XIAP: variants seen among roughly 807,000 people sequenced by gnomAD.
XIAP encodes the protein E3 ubiquitin-protein ligase XIAP.
Under a neutral mutation model 33.1 loss-of-function variants are expected in XIAP, and 3 were observed. That is an observed-to-expected ratio of 0.09 (90% CI 0.04 to 0.23). The LOEUF (loss-of-function observed/expected upper bound fraction) is 0.23, where lower values mean the gene tolerates loss of function less well. Among genes scored for constraint, XIAP ranks in the 10% least tolerant of loss-of-function variants. The pLI, the probability that XIAP is intolerant of heterozygous loss-of-function variation, is 1.00. For synonymous variants in XIAP, 98 were observed against 121.3 expected, an observed-to-expected ratio of 0.81 and a Z score of 1.26; for missense variants, 264 against 363.0, an observed-to-expected ratio of 0.73 and a Z score of 2.22.
In XIAP at chrX:123,912,691, T is replaced by A; in HGVS notation, c.*5510T>A. 1 of 324,106 alleles carries A rather than the reference T, an allele frequency of 3.1e-6. No individual in the cohort carries two copies. The highest frequency in any genetic ancestry group is 5.9e-6 in the Non-Finnish European group (1 of 168,741). 26.7% of individuals were successfully genotyped at this position (324,106 alleles called of 1,213,427 possible). ...ATACATTATATGCAAATACTGTTTT[T>A]TTTTTTTTTAATTTAAACAGTCTCA... On this transcript the variant is annotated 3_prime_UTR_variant, in exon 7 of 7. Coordinates refer to ENST00000371199, the MANE Select transcript of XIAP (RefSeq NM_001167.4).
chrX:123,874,738 A>G (rs1602534591), intron 1 of XIAP, among the ~76,000 whole-genome samples: 1 of 92,465 alleles, frequency 1.1e-5, no homozygotes, highest in Admixed American at 1.4e-4. Flanking sequence ...TCTGTTGCCC[A>G]GGCTTGAATG....
Position 123,860,278 on chromosome X carries a change from C to T in XIAP, c.-48C>T, listed in dbSNP as rs1207299387. 3.0e-6 allele frequency: 1 copy of T among 329,910 alleles called. No individual in the cohort carries two copies. Among genetic ancestry groups the T allele is most frequent in the Non-Finnish European group, 5.9e-6 (1 of 170,033 alleles). The allele number at this position is 329,910 out of a possible 1,213,427, so 27.2% of individuals were successfully genotyped here. On this transcript the variant is annotated 5_prime_UTR_variant, in exon 1 of 7. Coordinates refer to ENST00000371199, the MANE Select transcript of XIAP (RefSeq NM_001167.4). The stretch of plus-strand genomic sequence containing the variant: ...CCGATCGCCGCGGGGCAGTTCGGGC[C>T]GGCTGTCCTGGCGCGGTGGGTACAG...
At chrX:123,880,959 A>G (rs764152027) in intron 1 of XIAP, among the ~76,000 whole-genome samples, 2 of 110,505 alleles carry the variant, frequency 1.8e-5, no homozygotes, top group East Asian at 5.7e-4. Context: ...AACCTTACAT[A>G]TCACCATTGT....
intron 1 of XIAP, among the ~76,000 whole-genome samples, chrX:123,877,248 T>C (rs1602536585): frequency 9.0e-6 from 1 of 110,752 alleles, no homozygotes; most frequent in African/African-American, 3.3e-5. Context: ...GTATTTTTAG[T>C]AGAGATGGGG....
chrX:123,864,930 C>T (rs1043036230), intron 1 of XIAP, among the ~76,000 whole-genome samples: 7 of 107,356 alleles, frequency 6.5e-5, no homozygotes, highest in Admixed American at 5.1e-4. Flanking sequence ...GATCTGCCTG[C>T]GTTGGCCTCC....
At position 123,909,855 on chromosome X, in the gene XIAP, A is replaced by C. The variant is rs17330637; in HGVS notation, c.*2674A>C. 0.22 allele frequency: 72,924 copies of C among 327,233 alleles called. 5,177 individuals carry two copies. Among genetic ancestry groups the C allele is most frequent in the South Asian group, 0.39 (14,842 of 38,300 alleles). The allele number at this position is 327,233 out of a possible 1,213,427, so 27.0% of individuals were successfully genotyped here. ...TTCTAATCAAATTTTTGGAGACTTAACAGCATTTGTCTGTGTTTGAACTAT... is the reference window on the plus strand; with the variant it reads ...TTCTAATCAAATTTTTGGAGACTTACCAGCATTTGTCTGTGTTTGAACTAT... On this transcript the variant is annotated 3_prime_UTR_variant, in exon 7 of 7. Coordinates refer to ENST00000371199, the MANE Select transcript of XIAP (RefSeq NM_001167.4).
At chrX:123,883,741 C>G (rs1385852437) in intron 1 of XIAP, among the ~76,000 whole-genome samples, 1 of 110,717 alleles carries the variant, frequency 9.0e-6, no homozygotes, top group Non-Finnish European at 1.9e-5. Context: ...GGTGATTTGC[C>G]CACCTCGGCC....
Position 123,870,109 on chromosome X carries a change from G to A in XIAP, c.-33+9816G>A, listed in dbSNP as rs184458416. On this transcript the variant is annotated intron_variant, in intron 1 of 6. Transcript: ENST00000371199. The stretch of plus-strand genomic sequence containing the variant: ...TTAGTAGCTGGGACTACAGGCACGC[G>A]CCACCACGCCCAGCTAATTTTTTTG... 3.1e-3 allele frequency among the ~76,000 whole-genome samples: 352 copies of A among 112,462 alleles called. 3 individuals are homozygous for A. Among genetic ancestry groups the A allele is most frequent in the African/African-American group, 0.011 (333 of 31,050 alleles).
intron 1 of XIAP, 70 bp downstream of exon 1, chrX:123,860,363 C>T: frequency 6.2e-6 from 2 of 320,189 alleles, no homozygotes; most frequent in Admixed American, 3.1e-5. Flanking sequence ...CTCCCCTCTT[C>T]TTTTCCCCTC....
At chrX:123,861,738 C>CAT (rs10694788) in intron 1 of XIAP, among the ~76,000 whole-genome samples, 42,225 of 110,428 alleles carry the variant, frequency 0.38, 6,118 homozygotes, top group African/African-American at 0.48. Context: ...GGTATGTACA[C>CAT]ATTTATGTGC....
chrX:123,882,185 T>G (rs756245720), intron 1 of XIAP, among the ~76,000 whole-genome samples: 27 of 112,116 alleles, frequency 2.4e-4, no homozygotes, highest in African/African-American at 8.4e-4. Context: ...TAACCCAGTC[T>G]CCCAGTCCAT....
chrX:123,868,807 G>C (rs2053166843), intron 1 of XIAP, among the ~76,000 whole-genome samples: 1 of 111,839 alleles, frequency 8.9e-6, no homozygotes, highest in Admixed American at 9.6e-5. Flanking sequence ...GTTAATAATA[G>C]GTTATCCTTT....
chrX:123,900,447 AT>A, intron 5 of XIAP, 45 bp from the exon 6 acceptor site: 2 of 1,076,035 alleles, frequency 1.9e-6, no homozygotes, highest in Non-Finnish European at 2.6e-6. Flanking sequence ...AATGAAAATA[AT>A]TGTTTAAATT....
At chrX:123,893,846 G>T (rs1399950053) in intron 5 of XIAP, among the ~76,000 whole-genome samples, 2 of 111,420 alleles carry the variant, frequency 1.8e-5, no homozygotes, top group African/African-American at 3.3e-5. Context: ...ATCTCAAAAA[G>T]AAAATAAAAG....
At chrX:123,902,962 G>A (rs190983134) in intron 6 of XIAP, among the ~76,000 whole-genome samples, 28 of 110,587 alleles carry the variant, frequency 2.5e-4, no homozygotes, top group Non-Finnish European at 4.0e-4. Flanking sequence ...GGGGAAAGGC[G>A]CTGTAGAGAA....
At chrX:123,874,256 A>G (rs886856418) in intron 1 of XIAP, among the ~76,000 whole-genome samples, 6 of 111,983 alleles carry the variant, frequency 5.4e-5, no homozygotes, top group Non-Finnish European at 9.4e-5. Context: ...ATTTCTTTTC[A>G]TTAGAATCTA....
chrX:123,869,593 T>C (rs965739557), intron 1 of XIAP, among the ~76,000 whole-genome samples: 2 of 110,455 alleles, frequency 1.8e-5, no homozygotes, highest in African/African-American at 6.6e-5. Flanking sequence ...AACCTTTCTA[T>C]GGTTCTAGCT....
intron 6 of XIAP, among the ~76,000 whole-genome samples, chrX:123,905,184 G>A (rs1198790694): frequency 9.0e-6 from 1 of 111,101 alleles, no homozygotes. Flanking sequence ...ACCCTTCACT[G>A]CCTCCCAGGA....
chrX:123,893,063 G>A (rs1019437212), intron 5 of XIAP, among the ~76,000 whole-genome samples: 5 of 108,366 alleles, frequency 4.6e-5, no homozygotes, highest in Admixed American at 2.0e-4. Flanking sequence ...CTTGTGATGC[G>A]CCCGCCTCGG....
Sources: gnomAD v4.1 joint callset for allele counts (sites outside exome capture counted in the v4.1 genomes callset) on GRCh38, gnomAD v4.1.1 for gene constraint, MANE v1.5 for transcripts, NCBI Gene and HGNC (gene_info 2026-07-23, HGNC 2026-07-21) for gene names.